Variants in NOSTRIN observed in about 807,000 individuals in gnomAD.
NOSTRIN encodes BM247 homolog.
Under a neutral mutation model 59.0 loss-of-function variants are expected in NOSTRIN, and 63 were observed. The observed-to-expected ratio is 1.07, with a 90% CI of 0.87 to 1.32. The LOEUF (loss-of-function observed/expected upper bound fraction) is 1.32. NOSTRIN is among the 40% of genes most tolerant of loss of function. The probability of loss-of-function intolerance (pLI) is 0.00; values close to 1 mark genes in which losing one functional copy is unlikely to be tolerated. For missense variants in NOSTRIN, 512 were observed against 473.1 expected (o/e 1.08, Z -0.76); for synonymous variants, 200 against 165.4 (o/e 1.21, Z -1.61).
intron 12 of NOSTRIN, among the ~76,000 whole-genome samples, chr2:168,858,874 G>T (rs1574339331): frequency 6.6e-6 from 1 of 152,126 alleles, no homozygotes; most frequent in Admixed American, 6.6e-5. Context: ...AATTCACCCT[G>T]GCTGGACCCA....
chr2:168,825,014 C>T lies in NOSTRIN; in HGVS notation c.197+297C>T, dbSNP rs903253567. ...GCTCAAGTAATCCTCCTGCCTTGGCCTTCCAAAGTTCTGGGATTACATGTG... is the reference window on the plus strand; with the variant it reads ...GCTCAAGTAATCCTCCTGCCTTGGCTTTCCAAAGTTCTGGGATTACATGTG... On this transcript the variant is annotated intron_variant, in intron 3 of 15. Transcript: ENST00000317647. Among the ~76,000 whole-genome samples the T allele has an allele frequency of 5.3e-5, 8 of 152,256 alleles. No individual in the cohort carries two copies. The East Asian group carries it at 1.5e-3, about 29-fold the overall frequency.
chr2:168,798,962 T>G (rs184374201), upstream of NOSTRIN, among the ~76,000 whole-genome samples: 6 of 152,262 alleles, frequency 3.9e-5, no homozygotes, highest in East Asian at 9.7e-4. Flanking sequence ...TCTGCCTCCT[T>G]GAACCCACAC....
intron 2 of NOSTRIN, among the ~76,000 whole-genome samples, chr2:168,788,346 A>G (rs1685258896): frequency 6.6e-6 from 1 of 151,978 alleles, no homozygotes; most frequent in Non-Finnish European, 1.5e-5. Flanking sequence ...CCTAAACCTC[A>G]AATAGGACAG....
At chr2:168,815,419 G>T (rs1268087617) in intron 2 of NOSTRIN, among the ~76,000 whole-genome samples, 1 of 152,182 alleles carries the variant, frequency 6.6e-6, no homozygotes, top group Non-Finnish European at 1.5e-5. Context: ...CTTTGTGAAT[G>T]TTTGGCTTCC....
intron 2 of NOSTRIN, among the ~76,000 whole-genome samples, chr2:168,792,984 G>GACTTTTCA (rs1393876390): frequency 6.6e-6 from 1 of 152,112 alleles, no homozygotes; most frequent in African/African-American, 2.4e-5. Flanking sequence ...GCCAACTTTT[G>GACTTTTCA]ACTTTTCAAC....
At chr2:168,795,801 C>T (rs1436491889), upstream of NOSTRIN, among the ~76,000 whole-genome samples, 5 of 152,132 alleles carry the variant, frequency 3.3e-5, no homozygotes, top group African/African-American at 1.2e-4. Context: ...TAAAAGTTAC[C>T]TTAGATGCTA....
chr2:168,828,603 A>G (rs1461073737), intron 5 of NOSTRIN, 102 bp downstream of exon 5: 4 of 498,590 alleles, frequency 8.0e-6, no homozygotes, highest in African/African-American at 4.0e-5. Flanking sequence ...AGTTTCAGGA[A>G]TTTATCCTAA....
At chr2:168,805,520 A>G (rs1559103906) in intron 1 of NOSTRIN, among the ~76,000 whole-genome samples, 1 of 152,220 alleles carries the variant, frequency 6.6e-6, no homozygotes, top group South Asian at 2.1e-4. Flanking sequence ...ATCCAATCAT[A>G]AGAAAGTATT....
intron 7 of NOSTRIN, among the ~76,000 whole-genome samples, 174 bp downstream of exon 7, chr2:168,834,499 G>GCACACACA (rs1352968254): frequency 1.4e-4 from 4 of 28,566 alleles, no homozygotes; most frequent in Admixed American, 4.7e-4. Flanking sequence ...GTGCGCGCGC[G>GCACACACA]CGCGCGCGCA....
chr2:168,800,854 G>A (rs928794218), upstream of NOSTRIN, among the ~76,000 whole-genome samples: 7 of 150,080 alleles, frequency 4.7e-5, no homozygotes, highest in African/African-American at 1.7e-4. Context: ...CCCTCAAGTG[G>A]GAATTTGAGT....
upstream of NOSTRIN, among the ~76,000 whole-genome samples, chr2:168,797,914 C>T (rs1266898796): frequency 3.3e-5 from 5 of 151,922 alleles, no homozygotes; most frequent in East Asian, 7.7e-4. Flanking sequence ...TAAGTCATCC[C>T]GCAGTATCCA....
At chr2:168,854,956 G>A (rs1214975609) in intron 10 of NOSTRIN, among the ~76,000 whole-genome samples, 1 of 152,128 alleles carries the variant, frequency 6.6e-6, no homozygotes, top group Admixed American at 6.5e-5. Context: ...TCCTGAGGCA[G>A]TCATAGCCTG....
chr2:168,856,808 T>C (rs774378965), intron 12 of NOSTRIN, 30 bp downstream of exon 12: 3 of 1,595,290 alleles, frequency 1.9e-6, no homozygotes, highest in Admixed American at 1.7e-5. Flanking sequence ...ATTTCCTAGA[T>C]GTAGTGATGA....
In NOSTRIN at chr2:168,829,518, G is replaced by A. The variant is rs148689961; in HGVS notation, c.342+1017G>A. Reference sequence around the variant, plus strand: ...GTATTTTTAGTAGAGACCAGGGATCGCTATGTTGGTCAGGCTTGTCTCCAA... The same window carrying A: ...GTATTTTTAGTAGAGACCAGGGATCACTATGTTGGTCAGGCTTGTCTCCAA... On this transcript the variant is annotated intron_variant, in intron 5 of 15. Transcript: ENST00000317647. 6.9e-3 allele frequency among the ~76,000 whole-genome samples: 1,047 copies of A among 152,028 alleles called. 14 individuals are homozygous for A. Among genetic ancestry groups the A allele is most frequent in the African/African-American group, 0.024 (983 of 41,488 alleles).
chr2:168,841,918 T>A (rs141141494), intron 7 of NOSTRIN, among the ~76,000 whole-genome samples: 4 of 152,346 alleles, frequency 2.6e-5, no homozygotes, highest in African/African-American at 9.6e-5. Flanking sequence ...TGTAATCTAA[T>A]GCTAATAGAC....
chr2:168,841,053 G>A (rs2105709171), intron 7 of NOSTRIN, among the ~76,000 whole-genome samples: 1 of 151,916 alleles, frequency 6.6e-6, no homozygotes, highest in Non-Finnish European at 1.5e-5. Context: ...AGGAGTTGGA[G>A]ACCAGACTGG....
chr2:168,844,236 A>G (rs537612868), intron 8 of NOSTRIN, among the ~76,000 whole-genome samples: 1 of 152,324 alleles, frequency 6.6e-6, no homozygotes, highest in East Asian at 1.9e-4. Flanking sequence ...GGAATACAAC[A>G]GAACTGCCAG....
intron 8 of NOSTRIN, among the ~76,000 whole-genome samples, chr2:168,847,448 G>T (rs1027985871): frequency 1.3e-5 from 2 of 152,150 alleles, no homozygotes; most frequent in South Asian, 2.1e-4. Flanking sequence ...ATAAAGAGGG[G>T]TCTAGATATT....
At chr2:168,790,233 A>C (rs1282961074) in intron 2 of NOSTRIN, among the ~76,000 whole-genome samples, 1 of 152,248 alleles carries the variant, frequency 6.6e-6, no homozygotes, top group Non-Finnish European at 1.5e-5. Context: ...TAATACTAGT[A>C]ATAAATTATA....
Sources: gnomAD v4.1 joint callset for allele counts (sites outside exome capture counted in the v4.1 genomes callset) on GRCh38, gnomAD v4.1.1 for gene constraint, MANE v1.5 for transcripts, NCBI Gene and HGNC (gene_info 2026-07-23, HGNC 2026-07-21) for gene names.